SMTN: variants seen among roughly 807,000 people sequenced by gnomAD.
SMTN encodes the protein smoothelin.
Under a neutral mutation model 102.0 loss-of-function variants are expected in SMTN, and 58 were observed. The ratio of observed to expected loss-of-function variants is 0.57; its 90% CI spans 0.46 to 0.71. The LOEUF (loss-of-function observed/expected upper bound fraction) is 0.71. SMTN is among the 30% of genes least tolerant of loss of function. The pLI is 0.00. For missense variants in SMTN, 1,185 were observed against 1,241.7 expected (o/e 0.95, Z 0.69); for synonymous variants, 478 against 497.9 (o/e 0.96, Z 0.53).
chr22:31,101,328 A>C, intron 20 of SMTN: 2 of 386,170 alleles, frequency 5.2e-6, no homozygotes, highest in South Asian at 8.6e-5. Context: ...AAAAAGTGCA[A>C]ACTAAGCTGG....
rs747405143 is a variant in SMTN, at chr22:31,089,935, AC to A, written c.714del (p.Ser239AlafsTer118). The A allele has an allele frequency of 2.5e-6, 4 of 1,600,876 alleles. No individual in the cohort carries two copies. Among genetic ancestry groups the A allele is most frequent in the East Asian group, 2.3e-5 (1 of 43,944 alleles). On this transcript the variant is annotated frameshift_variant, in exon 7 of 21. Transcript: ENST00000333137. LOFTEE classifies it high-confidence loss of function. ...CTGAGGTTCCAGGCAGCCCAGAGCCACCCCCCAGCCCACCCAAGACCACCAG... is the reference window on the plus strand; with the variant it reads ...CTGAGGTTCCAGGCAGCCCAGAGCCACCCCCAGCCCACCCAAGACCACCAG... ...TAEVPGSPEP[P>X]PSPPKTTSPE...
In SMTN at chr22:31,095,854, C is replaced by G; in HGVS notation, c.1861+245C>G. The stretch of plus-strand genomic sequence containing the variant: ...CCAGCTTCTCTTCTCCTTCCTAGAC[C>G]CAGATACTCCCTCCCGCAGCTACTC... On this transcript the variant is annotated intron_variant, in intron 13 of 20. Transcript: ENST00000333137. This position sits in a 1 kb window ranked among gnomAD's most constrained non-coding sequence, Gnocchi z 4.1. 2 of 569,594 alleles carry G rather than the reference C, an allele frequency of 3.5e-6. No individual in the cohort carries two copies. Among genetic ancestry groups the G allele is most frequent in the Non-Finnish European group, 6.2e-6 (2 of 320,500 alleles). The allele number at this position is 569,594 out of a possible 1,614,324, so 35.3% of individuals were successfully genotyped here. A position where few individuals can be genotyped will look rare whatever the true frequency, so the allele number is the denominator to read the frequency against.
intron 16 of SMTN, among the ~76,000 whole-genome samples, chr22:31,098,171 G>T (rs1205894084): frequency 1.3e-5 from 2 of 152,168 alleles, no homozygotes; most frequent in Non-Finnish European, 2.9e-5. Flanking sequence ...GAGAGACCTT[G>T]TTCAAGTTCT....
intron 11 of SMTN, among the ~76,000 whole-genome samples, chr22:31,094,704 C>T (rs190027567): frequency 6.8e-6 from 1 of 146,476 alleles, no homozygotes; most frequent in African/African-American, 2.5e-5. Context: ...TTCTTTGCAA[C>T]AGGGTCTTAC....
Position 31,095,799 on chromosome 22 carries a change from C to T in SMTN, c.1861+190C>T. On this transcript the variant is annotated intron_variant, in intron 13 of 20. Transcript: ENST00000333137. This position sits in a 1 kb window ranked among gnomAD's most constrained non-coding sequence, Gnocchi z 4.1. ...CTGCTCCTTCCCTAGCTCCTTCTCT[C>T]CCGCTGGTGACCCCAGTTATTCTCC... 1.7e-6 allele frequency: 1 copy of T among 603,674 alleles called. No individual in the cohort carries two copies. Among genetic ancestry groups the T allele is most frequent in the South Asian group, 2.0e-5 (1 of 50,332 alleles). The allele number at this position is 603,674 out of a possible 1,614,324, so 37.4% of individuals were successfully genotyped here.
intron 2 of SMTN, chr22:31,085,281 C>T (rs892395697): frequency 6.6e-7 from 1 of 1,504,200 alleles, no homozygotes; most frequent in South Asian, 1.2e-5. Context: ...CGGCGCCTAG[C>T]GCGAGGCAGG....
rs1315457505 is a variant in SMTN at position 31,089,961 on chromosome 22, G to A, written c.734G>A (p.Ser245Asn). 1 of 1,599,776 alleles carries A rather than the reference G, an allele frequency of 6.3e-7. No homozygotes were observed. Among genetic ancestry groups the A allele is most frequent in the Non-Finnish European group, 8.5e-7 (1 of 1,172,976 alleles). The stretch of plus-strand genomic sequence containing the variant: ...CCCCCCAGCCCACCCAAGACCACCA[G>A]CCCTGAGCCTCAGGAGTCTCCAACG... ...EPPPSPPKTT[S>N]PEPQESPTLP... The change falls in exon 7 of 21, where the codon AGC (serine) becomes AAC (asparagine). Residue 245 changes from serine (S) to asparagine (N), a missense_variant. Coordinates refer to ENST00000333137, the MANE Select transcript of SMTN (RefSeq NM_134269.3).
chr22:31,097,146 C>T, intron 15 of SMTN, 86 bp downstream of exon 15: 1 of 1,508,256 alleles, frequency 6.6e-7, no homozygotes, highest in East Asian at 2.3e-5. Context: ...TCCGTGTCTT[C>T]AACTGTGCCG....
At chr22:31,082,835 G>C (rs1602588783) in intron 1 of SMTN, 1 of 1,504,684 alleles carries the variant, frequency 6.6e-7, no homozygotes, top group Non-Finnish European at 8.9e-7. Flanking sequence ...GCACCCCCTG[G>C]TGGTAAGCAC....
At chr22:31,086,618 C>T (rs2042722645) in intron 2 of SMTN, among the ~76,000 whole-genome samples, 1 of 152,194 alleles carries the variant, frequency 6.6e-6, no homozygotes, top group African/African-American at 2.4e-5. Context: ...TGTTCCCAAC[C>T]CCACCCACTG....
chr22:31,088,480 G>T, intron 3 of SMTN, 33 bp from the exon 4 acceptor site: 2 of 1,580,336 alleles, frequency 1.3e-6, no homozygotes, highest in South Asian at 1.1e-5. Flanking sequence ...CCTGGCCATG[G>T]CAGTGGTGGT....
In SMTN at chr22:31,091,408, C is replaced by A; in HGVS notation, c.1385C>A (p.Thr462Asn). Residue 462 changes from threonine to asparagine, a missense_variant, in exon 10 of 21, where the codon ACC becomes AAC. Physicochemically the swap from Thr to Asn is moderately conservative, Grantham distance 65 (BLOSUM62 0). Around this residue, in one of 2 missense-constraint regions of SMTN, gnomAD observed 1,096 missense variants for 1,112.7 expected, o/e 0.98. Coordinates refer to ENST00000333137, the MANE Select transcript of SMTN (RefSeq NM_134269.3). ...EPGGSMKTTFTIEIKDGRGQA... is the reference protein window; with the variant it reads ...EPGGSMKTTFNIEIKDGRGQA... ...GGGGGCAGTATGAAGACCACATTCACCATCGAGATCAAGGACGGCCGTGGC... is the reference window on the plus strand; with the variant it reads ...GGGGGCAGTATGAAGACCACATTCAACATCGAGATCAAGGACGGCCGTGGC... The A allele has an allele frequency of 6.4e-7, 1 of 1,574,174 alleles. No homozygotes were observed.
At position 31,083,284 on chromosome 22, in the gene SMTN, T is replaced by A; in HGVS notation, c.26T>A (p.Leu9Gln). MADEALAG[L>Q]DEGALRKLLE... ...ATGGCGGACGAGGCCTTAGCTGGGC[T>A]GGATGAGGGAGCCCTTCGGAAGCTG... Residue 9 changes from leucine (L) to glutamine (Q), a missense_variant, in exon 2 of 21, where the codon CTG becomes CAG. Transcript: ENST00000333137. The A allele has an allele frequency of 6.3e-7, 1 of 1,588,074 alleles. No individual in the cohort carries two copies. Among genetic ancestry groups the A allele is most frequent in the Non-Finnish European group, 8.5e-7 (1 of 1,169,646 alleles).
At chr22:31,096,657 C>T in intron 13 of SMTN, 76 bp from the exon 14 acceptor site, 1 of 1,439,284 alleles carries the variant, frequency 6.9e-7, no homozygotes, top group Non-Finnish European at 9.2e-7. Context: ...GTCTTGTGTG[C>T]CCCATGCACC....
chr22:31,082,181 TAGTC>T (rs1274446181), intron 1 of SMTN: 2 of 190,666 alleles, frequency 1.0e-5, no homozygotes, highest in Admixed American at 5.4e-5. Flanking sequence ...GGCCACACAT[TAGTC>T]AGTCACCATA....
At chr22:31,090,415 G>A (rs1201965370) in intron 8 of SMTN, among the ~76,000 whole-genome samples, 1 of 151,882 alleles carries the variant, frequency 6.6e-6, no homozygotes, top group Admixed American at 6.6e-5. Context: ...CGGGCCTCAG[G>A]CACATTCTTC....
chr22:31,092,385 C>T (rs1217304608), intron 11 of SMTN: 7 of 455,340 alleles, frequency 1.5e-5, no homozygotes, highest in Admixed American at 7.1e-5. Context: ...GGCAGAGGGG[C>T]GCCAATCAGG....
chr22:31,064,958 T>C (rs1409977338), intron 1 of SMTN: 1 of 152,250 alleles, frequency 6.6e-6, no homozygotes, highest in Non-Finnish European at 1.5e-5. Flanking sequence ...TTAGTTGTAA[T>C]GTCTTCTTAG....
chr22:31,091,209 G>C lies in SMTN; in HGVS notation c.1186G>C (p.Glu396Gln). ...PSDTSSRFSK[E>Q]QRGVAQPLAQ... ...TGATACCTCCTCCCGGTTCAGCAAGGAGCAACGAGGAGTAGCCCAGCCCCT... is the reference window on the plus strand; with the variant it reads ...TGATACCTCCTCCCGGTTCAGCAAGCAGCAACGAGGAGTAGCCCAGCCCCT... The change falls in exon 10 of 21, where the codon GAG (glutamate) becomes CAG (glutamine). Residue 396 changes from glutamate to glutamine, a missense_variant. By Grantham distance (29) the Glu-to-Gln change is conservative. Coordinates refer to ENST00000333137, the MANE Select transcript of SMTN (RefSeq NM_134269.3). The C allele has an allele frequency of 6.2e-7, 1 of 1,612,174 alleles. No individual in the cohort carries two copies. The highest frequency in any genetic ancestry group is 2.2e-5 in the East Asian group (1 of 44,796).
Sources: allele counts gnomAD v4.1 joint callset (sites outside exome capture counted in the v4.1 genomes callset), GRCh38; gene constraint gnomAD v4.1.1; regional missense constraint gnomAD v4.1.1; non-coding constraint Gnocchi (gnomAD v3.1); transcripts MANE v1.5; gene names NCBI Gene and HGNC (gene_info 2026-07-23, HGNC 2026-07-21).